The following MAST4 variants were observed in gnomAD, a reference collection of about 807,000 sequenced individuals.
The protein encoded by MAST4 is microtubule-associated serine/threonine-protein kinase 4.
Under a neutral mutation model 162.7 loss-of-function variants are expected in MAST4, and 89 were observed. The observed-to-expected ratio is 0.55, with a 90% CI of 0.46 to 0.65. The LOEUF (loss-of-function observed/expected upper bound fraction) is 0.65. Among genes scored for constraint, MAST4 ranks in the 30% least tolerant of loss-of-function variants. The pLI, the probability that MAST4 is intolerant of heterozygous loss-of-function variation, is 0.00. For missense variants in MAST4, 3,153 were observed against 3,374.0 expected (o/e 0.93, Z 1.62); for synonymous variants, 1,479 against 1,361.1 (o/e 1.09, Z -1.91).
At chr5:66,922,914 G>C (rs2150051048) in intron 4 of MAST4, among the ~76,000 whole-genome samples, 1 of 152,224 alleles carries the variant, frequency 6.6e-6, no homozygotes, top group East Asian at 1.9e-4. Context: ...CAATTTATCT[G>C]ACCAGGTCTC....
At chr5:66,859,542 GACATCTTTAGACTGTGTA>G (rs1759938877) in intron 3 of MAST4, among the ~76,000 whole-genome samples, 1 of 152,024 alleles carries the variant, frequency 6.6e-6, no homozygotes, top group South Asian at 2.1e-4. Flanking sequence ...TCAATTCATT[GACATCTTTAGACTGTGTA>G]ACAGATTAAG....
chr5:66,757,761 G>C (rs539367656), intron 1 of MAST4, among the ~76,000 whole-genome samples: 324 of 152,254 alleles, frequency 2.1e-3, no homozygotes, highest in African/African-American at 7.3e-3. Context: ...GGTGTTTACC[G>C]TTCCTGTAAC....
At chr5:66,685,698 G>A (rs1007254431) in intron 1 of MAST4, among the ~76,000 whole-genome samples, 1 of 152,112 alleles carries the variant, frequency 6.6e-6, no homozygotes, top group African/African-American at 2.4e-5. Flanking sequence ...GAGCTTATTA[G>A]CACATCCACT....
chr5:67,002,390 T>C (rs949876478), intron 4 of MAST4, among the ~76,000 whole-genome samples: 3 of 152,204 alleles, frequency 2.0e-5, no homozygotes, highest in Non-Finnish European at 4.4e-5. Context: ...TAATATTAAA[T>C]GCCTATATAA....
At chr5:66,760,386 T>C (rs1163684878) in intron 2 of MAST4, among the ~76,000 whole-genome samples, 1 of 152,108 alleles carries the variant, frequency 6.6e-6, no homozygotes, top group East Asian at 1.9e-4. Flanking sequence ...AGTGCTGGGA[T>C]TACAGGTGTG....
At chr5:67,064,988 T>C (rs946076220) in intron 5 of MAST4, among the ~76,000 whole-genome samples, 2 of 152,238 alleles carry the variant, frequency 1.3e-5, no homozygotes, top group Admixed American at 1.3e-4. Flanking sequence ...TTCGACATTT[T>C]CAGATTTAAA....
At chr5:66,965,208 T>TC (rs1746555506) in intron 4 of MAST4, among the ~76,000 whole-genome samples, 1 of 94,094 alleles carries the variant, frequency 1.1e-5, no homozygotes, top group African/African-American at 4.4e-5. Context: ...ATAAGAGTAG[T>TC]TTTTTTTTTT....
Position 66,643,410 on chromosome 5 carries a change from T to G in MAST4, c.363+46392T>G, listed in dbSNP as rs183818173. Among the ~76,000 whole-genome samples the G allele has an allele frequency of 2.0e-5, 3 of 152,298 alleles. No individual in the cohort carries two copies. In the East Asian group the frequency reaches 5.8e-4, roughly 29 times the overall value. ...CATTTGTCTTCTATTTAAACATTTT[T>G]GGTTTTCAGCATTACTGTCACATGT... On this transcript the variant is annotated intron_variant, in intron 1 of 28. Coordinates refer to ENST00000403625, the MANE Select transcript of MAST4 (RefSeq NM_001164664.2).
chr5:67,166,686 A>G lies in MAST4; in HGVS notation c.7507A>G (p.Arg2503Gly). The G allele has an allele frequency of 6.3e-7, 1 of 1,593,462 alleles. No homozygotes were observed. The highest frequency in any genetic ancestry group is 8.5e-7 in the Non-Finnish European group (1 of 1,170,350). ...ELPAPSNRDH[R>G]KAQPAGEGRT... ...TCCAGCCCCCAGCAACAGGGACCAT[A>G]GGAAGGCTCAGCCTGCCGGGGAGGG... The change falls in exon 29 of 29, where the codon AGG (arginine) becomes GGG (glycine). Residue 2503 changes from arginine to glycine, a missense_variant. Physicochemically the swap from Arg to Gly is moderately radical, Grantham distance 125. This residue lies in a region of MAST4 where 1,644 missense variants were observed against 1,495.0 expected (regional missense o/e 1.10). Transcript: ENST00000403625.
chr5:66,802,191 A>C (rs1484937236), intron 3 of MAST4, among the ~76,000 whole-genome samples: 1 of 152,144 alleles, frequency 6.6e-6, no homozygotes, highest in Non-Finnish European at 1.5e-5. Flanking sequence ...ATGATTTGCA[A>C]TTTAGATTTT....
intron 3 of MAST4, among the ~76,000 whole-genome samples, chr5:66,799,863 A>G (rs1012018794): frequency 6.6e-6 from 1 of 152,202 alleles, no homozygotes; most frequent in Admixed American, 6.5e-5. Flanking sequence ...TGACCAAGGA[A>G]CATAACCTTC....
chr5:66,842,291 A>T (rs1324859613), intron 3 of MAST4, among the ~76,000 whole-genome samples: 1 of 152,146 alleles, frequency 6.6e-6, no homozygotes. Flanking sequence ...CATGTATAGC[A>T]TGTCTCTATT....
intron 1 of MAST4, among the ~76,000 whole-genome samples, chr5:66,740,745 G>A (rs1379841648): frequency 2.0e-5 from 3 of 152,190 alleles, no homozygotes; most frequent in Non-Finnish European, 4.4e-5. Context: ...ATCAGGTACA[G>A]TCGTCGCTCA....
chr5:67,020,400 A>G (rs1040506930), intron 4 of MAST4, among the ~76,000 whole-genome samples: 27 of 152,232 alleles, frequency 1.8e-4, no homozygotes, highest in African/African-American at 6.5e-4. Flanking sequence ...ATTATCATAC[A>G]GAATTTGGTT....
intron 3 of MAST4, chr5:66,789,600 C>A: frequency 2.8e-6 from 1 of 352,312 alleles, no homozygotes; most frequent in South Asian, 2.1e-5. Context: ...GCATTCCAGG[C>A]AAGAATACGA....
intron 1 of MAST4, among the ~76,000 whole-genome samples, chr5:66,624,075 T>A (rs889912005): frequency 1.1e-4 from 16 of 151,566 alleles, no homozygotes; most frequent in Middle Eastern, 3.4e-3. Context: ...TATAAAATAT[T>A]GATGAAGGAA....
chr5:66,919,954 TTCCTTCCTTCCTTCC>T (rs1561446208), intron 4 of MAST4, among the ~76,000 whole-genome samples: 3 of 89,254 alleles, frequency 3.4e-5, no homozygotes, highest in Admixed American at 1.3e-4. Flanking sequence ...CCTTCCTTCC[TTCCTTCCTTCCTTCC>T]TTCCTTCTTT....
At chr5:67,014,808 C>T (rs924005423) in intron 4 of MAST4, among the ~76,000 whole-genome samples, 1 of 152,174 alleles carries the variant, frequency 6.6e-6, no homozygotes, top group Non-Finnish European at 1.5e-5. Flanking sequence ...CTTCATTTTT[C>T]TATAACATTG....
At chr5:67,079,362 A>G (rs1581476844) in intron 5 of MAST4, among the ~76,000 whole-genome samples, 1 of 152,276 alleles carries the variant, frequency 6.6e-6, no homozygotes, top group East Asian at 1.9e-4. Context: ...TATATAAATA[A>G]TAGAGCATTA....
Sources: allele counts gnomAD v4.1 joint callset (sites outside exome capture counted in the v4.1 genomes callset), GRCh38; gene constraint gnomAD v4.1.1; regional missense constraint gnomAD v4.1.1; transcripts MANE v1.5; gene names NCBI Gene and HGNC (gene_info 2026-07-23, HGNC 2026-07-21).